Variants in TBX15 observed in about 807,000 individuals in gnomAD.
TBX15 encodes the protein T-box transcription factor 15.
Under a neutral mutation model 53.9 loss-of-function variants are expected in TBX15, and 18 were observed. That is an observed-to-expected ratio of 0.33 (90% confidence interval 0.23 to 0.49). The LOEUF is 0.49. TBX15 is among the 20% of genes least tolerant of loss of function. The pLI is 0.98. For synonymous variants in TBX15, 295 were observed against 278.0 expected, an observed-to-expected ratio of 1.06 and a Z score of -0.61; for missense variants, 692 against 749.5, an observed-to-expected ratio of 0.92 and a Z score of 0.90.
At chr1:118,944,230 T>G (rs1656273781) in intron 1 of TBX15, among the ~76,000 whole-genome samples, 1 of 152,160 alleles carries the variant, frequency 6.6e-6, no homozygotes, top group African/African-American at 2.4e-5. Flanking sequence ...CAAAAGGGAA[T>G]GAGTCATCAA....
intron 6 of TBX15, among the ~76,000 whole-genome samples, chr1:118,902,696 C>A (rs542951716): frequency 6.6e-6 from 1 of 152,204 alleles, no homozygotes; most frequent in South Asian, 2.1e-4. Context: ...TTTTTCCATT[C>A]CAGCCATAGA....
At chr1:118,890,184 C>T (rs1170160134) in intron 7 of TBX15, among the ~76,000 whole-genome samples, 1 of 152,168 alleles carries the variant, frequency 6.6e-6, no homozygotes, top group Non-Finnish European at 1.5e-5. Flanking sequence ...CTACCTGTGC[C>T]ATATTCCCAA....
At position 118,885,089 on chromosome 1, in the gene TBX15, G is replaced by T. The variant is rs1315413601; in HGVS notation, c.1452C>A (p.Gly484=). 1.2e-6 allele frequency: 2 copies of T among 1,614,034 alleles called. No homozygotes were observed. The highest frequency in any genetic ancestry group is 1.3e-5 in the African/African-American group (1 of 74,924). Residue 484 remains glycine, a synonymous_variant, in exon 8 of 8, where the codon GGC becomes GGA. Transcript: ENST00000369429. Reference sequence around the variant, plus strand: ...GTGATGAGGAGCTGGAGGCAGCATTGCCTGCCTGCATGACATACTGAAACT... The same window carrying T: ...GTGATGAGGAGCTGGAGGCAGCATTTCCTGCCTGCATGACATACTGAAACT... ...TSQFQYVMQA[G]NAASSSSSPH...
At chr1:118,988,960 A>G (rs979102852), upstream of TBX15, among the ~76,000 whole-genome samples, 1 of 152,220 alleles carries the variant, frequency 6.6e-6, no homozygotes, top group African/African-American at 2.4e-5. Flanking sequence ...CTGGTGGAGA[A>G]GGAGACACAG....
intron 1 of TBX15, among the ~76,000 whole-genome samples, chr1:118,986,983 A>C (rs111378443): frequency 1.3e-5 from 2 of 152,308 alleles, no homozygotes; most frequent in Non-Finnish European, 2.9e-5. Flanking sequence ...AATCAATCGT[A>C]CCCACACCCT....
chr1:118,913,921 T>C (rs1415218344), intron 6 of TBX15, among the ~76,000 whole-genome samples, 194 bp downstream of exon 6: 1 of 152,176 alleles, frequency 6.6e-6, no homozygotes, highest in Non-Finnish European at 1.5e-5. Flanking sequence ...GCATGAGGGA[T>C]TTGATCTGGT....
At chr1:118,977,163 A>T (rs1331558374) in intron 1 of TBX15, among the ~76,000 whole-genome samples, 1 of 152,166 alleles carries the variant, frequency 6.6e-6, no homozygotes, top group African/African-American at 2.4e-5. Context: ...ATGAAGTCTG[A>T]CCCCAAGAAT....
chr1:118,940,229 T>C (rs1656127357), intron 1 of TBX15, among the ~76,000 whole-genome samples: 2 of 151,910 alleles, frequency 1.3e-5, no homozygotes, highest in South Asian at 4.1e-4. Flanking sequence ...TTTTCCCCTG[T>C]TAGTACAAGG....
intron 1 of TBX15, among the ~76,000 whole-genome samples, chr1:118,934,549 C>T (rs1655901532): frequency 1.3e-5 from 2 of 152,170 alleles, no homozygotes; most frequent in African/African-American, 4.8e-5. Context: ...TTATTGAGTG[C>T]TTACTATGTG....
At chr1:118,949,992 C>T (rs1008819884) in intron 1 of TBX15, among the ~76,000 whole-genome samples, 5 of 152,224 alleles carry the variant, frequency 3.3e-5, no homozygotes, top group Non-Finnish European at 7.3e-5. Flanking sequence ...TATTTCCCTT[C>T]TGTGGTCCCT....
At chr1:118,956,363 C>T (rs1030368432) in intron 1 of TBX15, among the ~76,000 whole-genome samples, 3 of 152,054 alleles carry the variant, frequency 2.0e-5, no homozygotes, top group Non-Finnish European at 2.9e-5. Flanking sequence ...ATGCATGCGT[C>T]TCCAGTTTAC....
intron 1 of TBX15, among the ~76,000 whole-genome samples, chr1:118,939,194 C>T (rs557326794): frequency 2.6e-5 from 4 of 151,764 alleles, no homozygotes; most frequent in African/African-American, 7.3e-5. Flanking sequence ...ATCGCTTGAG[C>T]CCAGGAGTTT....
chr1:118,917,549 C>T (rs1244410959), intron 5 of TBX15, among the ~76,000 whole-genome samples: 1 of 152,094 alleles, frequency 6.6e-6, no homozygotes, highest in East Asian at 1.9e-4. Flanking sequence ...GCACATCCTG[C>T]ATATGTGTCG....
chr1:118,922,552 C>A (rs554347844), intron 5 of TBX15, among the ~76,000 whole-genome samples: 10 of 152,122 alleles, frequency 6.6e-5, no homozygotes, highest in Non-Finnish European at 1.3e-4. Context: ...AAATTAATAC[C>A]ACACAATGTC....
intron 6 of TBX15, among the ~76,000 whole-genome samples, chr1:118,900,834 T>C (rs2101510266): frequency 6.6e-6 from 1 of 152,272 alleles, no homozygotes; most frequent in Non-Finnish European, 1.5e-5. Context: ...TAGGTCTTAC[T>C]GCTTTGTTTT....
intron 1 of TBX15, among the ~76,000 whole-genome samples, chr1:118,979,952 C>A (rs971813009): frequency 1.3e-5 from 2 of 152,220 alleles, no homozygotes; most frequent in African/African-American, 4.8e-5. Flanking sequence ...CCGTTCCGGC[C>A]CCGCGGCGCC....
At chr1:118,955,146 T>C (rs1656640948) in intron 1 of TBX15, among the ~76,000 whole-genome samples, 1 of 152,194 alleles carries the variant, frequency 6.6e-6, no homozygotes, top group South Asian at 2.1e-4. Flanking sequence ...GGAAGATCAG[T>C]TAGCCCACAG....
intron 7 of TBX15, among the ~76,000 whole-genome samples, chr1:118,891,614 A>G (rs1654146149): frequency 6.6e-6 from 1 of 152,204 alleles, no homozygotes; most frequent in African/African-American, 2.4e-5. Flanking sequence ...TGACTCAATT[A>G]AAGACAATTA....
chr1:118,903,960 C>G (rs1292355476), intron 6 of TBX15, among the ~76,000 whole-genome samples: 1 of 152,130 alleles, frequency 6.6e-6, no homozygotes, highest in Non-Finnish European at 1.5e-5. Context: ...GTTATTTAAG[C>G]TTACTATTAA....
Sources: gnomAD v4.1 joint callset for allele counts (sites outside exome capture counted in the v4.1 genomes callset) on GRCh38, gnomAD v4.1.1 for gene constraint, MANE v1.5 for transcripts, NCBI Gene and HGNC (gene_info 2026-07-23, HGNC 2026-07-21) for gene names.